TECPR2: variants seen among roughly 807,000 people sequenced by gnomAD.
TECPR2 encodes the protein tectonin beta-propeller repeat-containing protein 2.
TECPR2 carries 65 observed loss-of-function variants against 138.1 expected under a neutral mutation model. The ratio of observed to expected loss-of-function variants is 0.47; its 90% confidence interval spans 0.39 to 0.58. TECPR2 has a LOEUF of 0.58. Ranked by LOEUF, TECPR2 falls within the 20% of genes least tolerant of loss-of-function variation. TECPR2 has a pLI of 0.00. For missense variants in TECPR2, 1,553 were observed against 1,824.5 expected, an observed-to-expected ratio of 0.85 and a Z score of 2.71; for synonymous variants, 746 against 749.8, an observed-to-expected ratio of 0.99 and a Z score of 0.08.
At chr14:102,451,560 G>A (rs1890140396) in intron 15 of TECPR2, among the ~76,000 whole-genome samples, 1 of 152,072 alleles carries the variant, frequency 6.6e-6, no homozygotes, top group South Asian at 2.1e-4. Context: ...TTGATCTGTT[G>A]GCTGTGACCG....
Position 102,363,000 on chromosome 14 carries a change from C to A in TECPR2, c.-189C>A. 3.7e-6 allele frequency: 4 copies of A among 1,067,492 alleles called. No homozygotes were observed. Among genetic ancestry groups the A allele is most frequent in the East Asian group, 2.6e-5 (1 of 38,000 alleles). 66.1% of individuals were successfully genotyped at this position (1,067,492 alleles called of 1,614,324 possible). ...CCAGCTGCTGCTCTTCGGTGCTGGC[C>A]CCGGTGCCGGCCCCGTTGCCCAGGG... is the stretch of plus-strand genomic sequence containing the variant. On this transcript the variant is annotated 5_prime_UTR_variant, in exon 1 of 20. Coordinates refer to ENST00000359520, the MANE Select transcript of TECPR2 (RefSeq NM_014844.5).
At chr14:102,432,244 T>C (rs1052358924) in intron 8 of TECPR2, 116 bp downstream of exon 8, 3 of 1,088,174 alleles carry the variant, frequency 2.8e-6, no homozygotes, top group Admixed American at 3.0e-5. Flanking sequence ...AGAGAACACA[T>C]ACATTTCTTC....
In TECPR2 at chr14:102,407,348, A is replaced by G. The variant is rs755968500; in HGVS notation, c.230A>G (p.Glu77Gly). The change falls in exon 3 of 20, where the codon GAA (glutamate) becomes GGA (glycine). Residue 77 changes from glutamate to glycine, a missense_variant. Physicochemically the swap from Glu to Gly is moderately conservative, Grantham distance 98. Coordinates refer to ENST00000359520, the MANE Select transcript of TECPR2 (RefSeq NM_014844.5). ...TCAACGTTTCCCCAGGGGAAGACGG[A>G]ATCTATCACTGTGGTGAAGCTGCTG... is the stretch of plus-strand genomic sequence containing the variant. ...MRKYNFEGKT[E>G]SITVVKLLSC... is the part of the protein sequence containing the mutation. 1.2e-6 allele frequency: 2 copies of G among 1,604,540 alleles called. No homozygotes were observed. Among genetic ancestry groups the G allele is most frequent in the East Asian group, 2.2e-5 (1 of 44,742 alleles).
At chr14:102,411,580 T>C (rs1361181985) in intron 4 of TECPR2, among the ~76,000 whole-genome samples, 2 of 151,108 alleles carry the variant, frequency 1.3e-5, no homozygotes, top group East Asian at 3.9e-4. Context: ...CCCCTTTGAC[T>C]GTAATTTTCC....
chr14:102,379,145 CAAAG>C (rs1485953848), intron 2 of TECPR2, among the ~76,000 whole-genome samples: 1 of 152,190 alleles, frequency 6.6e-6, no homozygotes, highest in Non-Finnish European at 1.5e-5. Flanking sequence ...CAAGATCTAT[CAAAG>C]AAATCCATGC....
chr14:102,416,787 C>T (rs1889036649), intron 5 of TECPR2, among the ~76,000 whole-genome samples: 1 of 152,198 alleles, frequency 6.6e-6, no homozygotes, highest in African/African-American at 2.4e-5. Flanking sequence ...AGTTCAAGAA[C>T]AGCCTGGCCA....
intron 17 of TECPR2, among the ~76,000 whole-genome samples, chr14:102,478,762 T>C (rs1890821885): frequency 6.6e-6 from 1 of 151,970 alleles, no homozygotes; most frequent in African/African-American, 2.4e-5. Context: ...ACACCTGTAA[T>C]CCCAGCACTA....
At position 102,419,554 on chromosome 14, in the gene TECPR2, C is replaced by G. The variant is rs1163989468; in HGVS notation, c.638+4761C>G. ...CTCATGGGCAGCAGTGTAGGGTTGA[C>G]CAGAAACCGGGACAGAGACTCTCTT... On this transcript the variant is annotated intron_variant, in intron 5 of 19. Coordinates refer to ENST00000359520, the MANE Select transcript of TECPR2 (RefSeq NM_014844.5). The surrounding 1 kb of genome is among the most constrained non-coding windows in gnomAD (Gnocchi z 4.8). Among the ~76,000 whole-genome samples, 3 of 151,914 alleles carry G rather than the reference C, an allele frequency of 2.0e-5. No individual in the cohort carries two copies. The highest frequency in any genetic ancestry group is 7.3e-5 in the African/African-American group (3 of 41,334).
chr14:102,384,846 C>CTTTT (rs58616138), intron 2 of TECPR2, among the ~76,000 whole-genome samples: 6 of 99,398 alleles, frequency 6.0e-5, no homozygotes, highest in Middle Eastern at 6.3e-3. Context: ...TTTTCCTTTC[C>CTTTT]TTTTTTTTTT....
chr14:102,436,820 A>G (rs567682879), intron 9 of TECPR2, among the ~76,000 whole-genome samples: 2 of 152,332 alleles, frequency 1.3e-5, no homozygotes, highest in African/African-American at 4.8e-5. Flanking sequence ...AGTGGGACTC[A>G]GGTGAGGGTA....
chr14:102,417,281 A>G (rs528649581), intron 5 of TECPR2, among the ~76,000 whole-genome samples: 21 of 152,332 alleles, frequency 1.4e-4, no homozygotes, highest in Non-Finnish European at 2.6e-4. Context: ...GCTGTAGACT[A>G]TTGTGTGCGT....
chr14:102,475,157 C>G (rs1890730766), intron 17 of TECPR2, among the ~76,000 whole-genome samples: 1 of 152,176 alleles, frequency 6.6e-6, no homozygotes, highest in Non-Finnish European at 1.5e-5. Context: ...CTGTCAGGGC[C>G]TTGGAGTGGT....
intron 7 of TECPR2, among the ~76,000 whole-genome samples, chr14:102,428,625 G>T (rs1464571023): frequency 1.3e-5 from 2 of 152,056 alleles, no homozygotes; most frequent in Non-Finnish European, 2.9e-5. Context: ...AGCCAGGCGT[G>T]GTGGCATGCG....
chr14:102,376,644 C>G lies in TECPR2; in HGVS notation c.-72-6C>G. 1 of 1,322,668 alleles carries G rather than the reference C, an allele frequency of 7.6e-7. No homozygotes were observed. Among genetic ancestry groups the G allele is most frequent in the Non-Finnish European group, 1.1e-6 (1 of 929,534 alleles). 81.9% of individuals were successfully genotyped at this position (1,322,668 alleles called of 1,614,324 possible). A position where few individuals can be genotyped will look rare whatever the true frequency, so the allele number is the denominator to read the frequency against. ...ATTGAAAGGATTGTAATGCTTTGTT[C>G]TGTAGCCCCCAGGTTTCCCTAGATG... On this transcript the variant is annotated splice_polypyrimidine_tract_variant and splice_region_variant and intron_variant, in intron 1 of 19. Transcript: ENST00000359520.
chr14:102,438,295 C>T (rs1349037168), intron 10 of TECPR2, 90 bp downstream of exon 10: 16 of 1,448,546 alleles, frequency 1.1e-5, no homozygotes, highest in Non-Finnish European at 1.3e-5. Flanking sequence ...TAGTACAGGG[C>T]TCCCCTGCAG....
chr14:102,481,710 CT>C (rs1318746116), intron 17 of TECPR2, among the ~76,000 whole-genome samples: 11 of 152,248 alleles, frequency 7.2e-5, no homozygotes, highest in African/African-American at 2.7e-4. Flanking sequence ...ATTTTGCCCT[CT>C]CTGGAGAGTT....
chr14:102,467,190 T>C (rs1890563454), intron 17 of TECPR2, among the ~76,000 whole-genome samples: 1 of 152,116 alleles, frequency 6.6e-6, no homozygotes, highest in Non-Finnish European at 1.5e-5. Context: ...TGTCTGTAAG[T>C]GGAATTGCAG....
At chr14:102,441,256 G>A (rs575876991) in intron 11 of TECPR2, among the ~76,000 whole-genome samples, 113 of 152,010 alleles carry the variant, frequency 7.4e-4, no homozygotes, top group South Asian at 1.5e-3. Flanking sequence ...TTTTAGTAGA[G>A]ATGGAGTTTC....
rs1887454027 is a variant in TECPR2, at chr14:102,369,877, C to T, written c.-73+6761C>T. 2.0e-5 allele frequency among the ~76,000 whole-genome samples: 3 copies of T among 151,794 alleles called. No homozygotes were observed. The South Asian group carries it at 6.3e-4, about 32-fold the overall frequency. On this transcript the variant is annotated intron_variant, in intron 1 of 19. Transcript: ENST00000359520. ...GGAGGCTGAGGCAGAATGGCATGAACCCGGGAGGCGGAGCTTGCAGTGAGC... is the reference window on the plus strand; with the variant it reads ...GGAGGCTGAGGCAGAATGGCATGAATCCGGGAGGCGGAGCTTGCAGTGAGC...
Sources: gnomAD v4.1 joint callset for allele counts (sites outside exome capture counted in the v4.1 genomes callset) on GRCh38, gnomAD v4.1.1 for gene constraint, Gnocchi (gnomAD v3.1) non-coding constraint, MANE v1.5 for transcripts, NCBI Gene and HGNC (gene_info 2026-07-23, HGNC 2026-07-21) for gene names.